SNTB2: variants seen among roughly 807,000 people sequenced by gnomAD.
SNTB2 encodes syntrophin beta 2, also known as beta-2-syntrophin.
In SNTB2, 34 loss-of-function variants were observed where a neutral mutation model predicts 46.2. That is an observed-to-expected ratio of 0.74 (90% CI 0.56 to 0.98). SNTB2 has a LOEUF of 0.98. SNTB2 is among the 50% of genes least tolerant of loss of function. The pLI is 0.00. For synonymous variants in SNTB2, 290 were observed against 312.6 expected (o/e 0.93, Z 0.76); for missense variants, 603 against 731.4 (o/e 0.82, Z 2.02).
intron 5 of SNTB2, among the ~76,000 whole-genome samples, chr16:69,290,332 A>G (rs1965148397): frequency 6.6e-6 from 1 of 152,192 alleles, no homozygotes; most frequent in South Asian, 2.1e-4. Context: ...CATCATACCA[A>G]TTATTTAAGC....
Position 69,280,805 on chromosome 16 carries a change from T to C in SNTB2, c.1149-3243T>C, listed in dbSNP as rs1440600249. Among the ~76,000 whole-genome samples, 6 of 151,650 alleles carry C rather than the reference T, an allele frequency of 4.0e-5. No individual in the cohort carries two copies. The East Asian group carries it at 9.6e-4, about 24-fold the overall frequency. ...GCAGCTTGTCTTTTCATTCTCTCTT[T>C]TTTTTTTTTTGAGACGGAGTCTCGC... is the stretch of plus-strand genomic sequence containing the variant. On this transcript the variant is annotated intron_variant, in intron 4 of 6. Coordinates refer to ENST00000336278, the MANE Select transcript of SNTB2 (RefSeq NM_006750.4).
At chr16:69,244,671 C>G (rs1385642741) in intron 1 of SNTB2, among the ~76,000 whole-genome samples, 1 of 152,098 alleles carries the variant, frequency 6.6e-6, no homozygotes, top group Admixed American at 6.6e-5. Flanking sequence ...CATTTGGGGC[C>G]ACATTAATGG....
At position 69,187,384 on chromosome 16, in the gene SNTB2, T is replaced by G; in HGVS notation, c.218T>G (p.Leu73Arg). 1.5e-6 allele frequency: 2 copies of G among 1,311,224 alleles called. No homozygotes were observed. The allele number at this position is 1,311,224 out of a possible 1,614,324, so 81.2% of individuals were successfully genotyped here. A position where few individuals can be genotyped will look rare whatever the true frequency, so the allele number is the denominator to read the frequency against. Reference protein sequence around the residue: ...LGPAAAAFNGLPNGGGAGDSL... With the variant: ...LGPAAAAFNGRPNGGGAGDSL... ...CCCGCGGCCGCCGCCTTCAACGGCC[T>G]CCCAAACGGCGGCGGCGCGGGCGAC... is the stretch of plus-strand genomic sequence containing the variant. The change falls in exon 1 of 7, where the codon CTC becomes CGC. Residue 73 changes from leucine (L) to arginine (R), a missense_variant. Leu to Arg is a moderately radical substitution (Grantham distance 102). Coordinates refer to ENST00000336278, the MANE Select transcript of SNTB2 (RefSeq NM_006750.4).
In SNTB2 at chr16:69,188,223, T is replaced by C. The variant is rs114031171; in HGVS notation, c.580+477T>C. On this transcript the variant is annotated intron_variant, in intron 1 of 6. Coordinates refer to ENST00000336278, the MANE Select transcript of SNTB2 (RefSeq NM_006750.4). ...CAAAGCGCTGGTTAATTTATGGGAA[T>C]TTAACCCATCATTGGCTCTCAACAA... 2.4e-3 allele frequency among the ~76,000 whole-genome samples: 359 copies of C among 152,174 alleles called. 4 individuals carry two copies. Among genetic ancestry groups the C allele is most frequent in the African/African-American group, 8.3e-3 (343 of 41,500 alleles).
rs985960867 is a variant in SNTB2, at chr16:69,194,757, A to G, written c.580+7011A>G. 5.9e-5 allele frequency among the ~76,000 whole-genome samples: 9 copies of G among 152,276 alleles called. No homozygotes were observed. In the Middle Eastern group the frequency reaches 0.01, roughly 173 times the overall value. ...CAGGGAATGGGGCAATTTTCCTAGA[A>G]CCACATGGACTGAAAGTGGGGGTTT... On this transcript the variant is annotated intron_variant, in intron 1 of 6. Transcript: ENST00000336278.
In SNTB2 at chr16:69,187,192, C is replaced by T. The variant is rs913805544; in HGVS notation, c.26C>T (p.Ala9Val). 9 of 1,379,432 alleles carry T rather than the reference C, an allele frequency of 6.5e-6. No individual in the cohort carries two copies. Among genetic ancestry groups the T allele is most frequent in the African/African-American group, 4.5e-5 (3 of 67,098 alleles). The allele number at this position is 1,379,432 out of a possible 1,614,324, so 85.4% of individuals were successfully genotyped here. Residue 9 changes from alanine (A) to valine (V), a missense_variant, in exon 1 of 7, where the codon GCG (alanine) becomes GTG (valine). Ala to Val is a moderately conservative substitution (Grantham distance 64). Transcript: ENST00000336278. ...ATGAGGGTAGCTGCGGCGACTGCGG[C>T]GGCTGGAGCGGGGCCGGCCATGGCG... MRVAAATAAAGAGPAMAVW... is the reference protein window; with the variant it reads MRVAAATAVAGAGPAMAVW...
At chr16:69,200,017 C>T (rs867578093) in intron 1 of SNTB2, among the ~76,000 whole-genome samples, 6 of 152,002 alleles carry the variant, frequency 3.9e-5, no homozygotes, top group African/African-American at 1.4e-4. Context: ...CGGGTTCAAG[C>T]GATTCTCCTG....
At chr16:69,237,603 C>CTTTTTTTTTTTTTTTTTTTTTT (rs397706857) in intron 1 of SNTB2, among the ~76,000 whole-genome samples, 5 of 118,770 alleles carry the variant, frequency 4.2e-5, no homozygotes, top group South Asian at 2.7e-4. Context: ...TTCTTTCTTT[C>CTTTTTTTTTTTTTTTTTTTTTT]TTTTTTTTTT....
At chr16:69,284,904 G>A (rs554894576) in intron 5 of SNTB2, among the ~76,000 whole-genome samples, 1 of 152,084 alleles carries the variant, frequency 6.6e-6, no homozygotes, top group Admixed American at 6.6e-5. Flanking sequence ...GTGAGACCCT[G>A]TTTCAAAAAA....
In SNTB2 at chr16:69,302,243, T is replaced by C. The variant is rs558839841; in HGVS notation, c.*1319T>C. 1 of 152,332 alleles carries C rather than the reference T, an allele frequency of 6.6e-6. No homozygotes were observed. Among genetic ancestry groups the C allele is most frequent in the South Asian group, 2.1e-4 (1 of 4,824 alleles). The allele number at this position is 152,332 out of a possible 1,614,324, so 9.4% of individuals were successfully genotyped here. ...AGTAGCAGCAAGAATGCTGATTTTG[T>C]AGTGTTAGAAAATGAACTCAGCTTG... On this transcript the variant is annotated 3_prime_UTR_variant, in exon 7 of 7. Coordinates refer to ENST00000336278, the MANE Select transcript of SNTB2 (RefSeq NM_006750.4).
chr16:69,204,595 C>A (rs983546780), intron 1 of SNTB2, among the ~76,000 whole-genome samples: 1 of 152,152 alleles, frequency 6.6e-6, no homozygotes, highest in Admixed American at 6.6e-5. Context: ...AAGAAAAGAT[C>A]TCAAGTTAAT....
intron 3 of SNTB2, among the ~76,000 whole-genome samples, chr16:69,264,934 A>G (rs1342600766): frequency 1.3e-5 from 2 of 152,206 alleles, no homozygotes; most frequent in East Asian, 3.8e-4. Flanking sequence ...GATAAGGAAG[A>G]ACTTAAGTGA....
chr16:69,303,697 A>G lies in SNTB2; in HGVS notation c.*2773A>G, dbSNP rs1392841240. The G allele has an allele frequency of 6.6e-6, 1 of 152,628 alleles. No homozygotes were observed. Among genetic ancestry groups the G allele is most frequent in the East Asian group, 1.9e-4 (1 of 5,202 alleles). 9.5% of individuals were successfully genotyped at this position (152,628 alleles called of 1,614,324 possible). A position where few individuals can be genotyped will look rare whatever the true frequency, so the allele number is the denominator to read the frequency against. ...TCATGATGACCAAGGTTGTTCTTCA[A>G]TCAAATGTGTTTGTGGGATTTTCAG... On this transcript the variant is annotated 3_prime_UTR_variant, in exon 7 of 7. Transcript: ENST00000336278.
At chr16:69,210,865 C>T (rs570638776) in intron 1 of SNTB2, among the ~76,000 whole-genome samples, 3 of 151,982 alleles carry the variant, frequency 2.0e-5, no homozygotes, top group Non-Finnish European at 4.4e-5. Flanking sequence ...TGGTGGCGCG[C>T]TTGTAATCCC....
intron 5 of SNTB2, among the ~76,000 whole-genome samples, chr16:69,290,831 G>A (rs954157272): frequency 1.3e-5 from 2 of 152,266 alleles, no homozygotes; most frequent in African/African-American, 4.8e-5. Context: ...GTGTTAGTAT[G>A]GTTAGGACTT....
intron 4 of SNTB2, among the ~76,000 whole-genome samples, chr16:69,272,737 T>C (rs183351513): frequency 2.9e-4 from 43 of 149,816 alleles, no homozygotes; most frequent in Non-Finnish European, 5.5e-4. Context: ...ACTAAAAATA[T>C]AAAAATTAGC....
chr16:69,273,906 A>G (rs1210262761), intron 4 of SNTB2, among the ~76,000 whole-genome samples: 1 of 152,232 alleles, frequency 6.6e-6, no homozygotes, highest in Non-Finnish European at 1.5e-5. Flanking sequence ...GTTAATACTA[A>G]TAAACTGCCT....
chr16:69,241,499 G>A (rs962858639), intron 1 of SNTB2, among the ~76,000 whole-genome samples: 3 of 148,752 alleles, frequency 2.0e-5, no homozygotes, highest in African/African-American at 7.4e-5. Context: ...GCTTTAAAAA[G>A]CCAGGGTGGG....
At chr16:69,228,363 A>G (rs773421784) in intron 1 of SNTB2, among the ~76,000 whole-genome samples, 6 of 151,944 alleles carry the variant, frequency 3.9e-5, no homozygotes, top group East Asian at 1.9e-4. Flanking sequence ...AAAATTAGCC[A>G]GGCATGGTGG....
Sources: gnomAD v4.1 joint callset for allele counts (sites outside exome capture counted in the v4.1 genomes callset) on GRCh38, gnomAD v4.1.1 for gene constraint, MANE v1.5 for transcripts, NCBI Gene and HGNC (gene_info 2026-07-23, HGNC 2026-07-21) for gene names.